Variants in GPC5 observed in about 807,000 individuals in gnomAD.
GPC5 encodes the protein glypican-5.
GPC5 carries 47 observed loss-of-function variants against 53.9 expected under a neutral mutation model. That is an observed-to-expected ratio of 0.87 (90% CI 0.69 to 1.11). GPC5 has a LOEUF of 1.11. GPC5 is among the 50% of genes most tolerant of loss of function. GPC5 has a pLI of 0.00. For missense variants in GPC5, 748 were observed against 713.1 expected, an observed-to-expected ratio of 1.05 and a Z score of -0.56; for synonymous variants, 286 against 263.3, an observed-to-expected ratio of 1.09 and a Z score of -0.84.
intron 7 of GPC5, among the ~76,000 whole-genome samples, chr13:92,734,424 G>A (rs1378257492): frequency 6.6e-6 from 1 of 151,828 alleles, no homozygotes; most frequent in Non-Finnish European, 1.5e-5. Context: ...GAAATTTTGT[G>A]TAATAACACT....
intron 7 of GPC5, among the ~76,000 whole-genome samples, chr13:92,848,303 TG>T: frequency 6.6e-6 from 1 of 152,222 alleles, no homozygotes; most frequent in Non-Finnish European, 1.5e-5. Context: ...GAATTTTCTA[TG>T]GTTTCTAGAG....
chr13:92,103,180 G>T (rs1178147340), intron 6 of GPC5, among the ~76,000 whole-genome samples: 7 of 151,940 alleles, frequency 4.6e-5, no homozygotes, highest in Admixed American at 4.6e-4. Context: ...TTTTTTTAAT[G>T]ATCAACCTGG....
chr13:92,286,353 A>C (rs949630156), intron 7 of GPC5, among the ~76,000 whole-genome samples: 5 of 152,178 alleles, frequency 3.3e-5, no homozygotes, highest in African/African-American at 1.2e-4. Flanking sequence ...CTAGAACTAG[A>C]AATACCATTT....
intron 7 of GPC5, among the ~76,000 whole-genome samples, chr13:92,356,672 C>A (rs2043525129): frequency 6.6e-6 from 1 of 152,088 alleles, no homozygotes; most frequent in South Asian, 2.1e-4. Flanking sequence ...ATGTCATTTT[C>A]AGAGAAGAGG....
chr13:91,865,273 G>A lies in GPC5; in HGVS notation c.1281-42664G>A, dbSNP rs568629902. On this transcript the variant is annotated intron_variant, in intron 5 of 7. Transcript: ENST00000377067. ...TTTGTGGGATTACTTTGGCAAACAT[G>A]GGAGATCCCCAAACAAATTTTGAAG... Among the ~76,000 whole-genome samples the A allele has an allele frequency of 2.6e-5, 4 of 152,104 alleles. No individual in the cohort carries two copies. The East Asian group carries it at 7.7e-4, about 29-fold the overall frequency.
intron 2 of GPC5, among the ~76,000 whole-genome samples, chr13:91,620,650 A>AT (rs1337662263): frequency 6.6e-6 from 1 of 152,132 alleles, no homozygotes; most frequent in Non-Finnish European, 1.5e-5. Context: ...CTTTATGGCC[A>AT]TGATGCCTCT....
At chr13:92,681,248 G>C (rs1309493677) in intron 7 of GPC5, among the ~76,000 whole-genome samples, 1 of 151,996 alleles carries the variant, frequency 6.6e-6, no homozygotes. Context: ...TATCATGTCT[G>C]GTATATCACA....
intron 2 of GPC5, among the ~76,000 whole-genome samples, chr13:91,627,863 C>G (rs1285409587): frequency 6.6e-6 from 1 of 152,026 alleles, no homozygotes; most frequent in East Asian, 1.9e-4. Flanking sequence ...TCTTCAATAT[C>G]AATGTATTAC....
At chr13:91,837,683 A>G (rs1327452240) in intron 5 of GPC5, among the ~76,000 whole-genome samples, 5 of 152,170 alleles carry the variant, frequency 3.3e-5, no homozygotes, top group African/African-American at 7.2e-5. Context: ...TAAATCTATT[A>G]CATAGTATTT....
At chr13:92,069,987 AAGG>A (rs1323904611) in intron 6 of GPC5, among the ~76,000 whole-genome samples, 5 of 152,174 alleles carry the variant, frequency 3.3e-5, no homozygotes, top group Non-Finnish European at 5.9e-5. Context: ...ATCATATTAA[AAGG>A]AGGACTGTAT....
At chr13:92,716,605 C>T (rs952316235) in intron 7 of GPC5, among the ~76,000 whole-genome samples, 1 of 152,028 alleles carries the variant, frequency 6.6e-6, no homozygotes. Flanking sequence ...TAGTATCTGG[C>T]ACAATGTATG....
At chr13:91,680,133 G>T (rs577593111) in intron 2 of GPC5, among the ~76,000 whole-genome samples, 6 of 152,230 alleles carry the variant, frequency 3.9e-5, no homozygotes, top group Non-Finnish European at 8.8e-5. Context: ...CCATCACCAT[G>T]ACCTTGACAG....
intron 7 of GPC5, among the ~76,000 whole-genome samples, chr13:92,332,538 A>T (rs1359876309): frequency 2.0e-5 from 3 of 152,196 alleles, no homozygotes; most frequent in African/African-American, 7.2e-5. Context: ...GAGTTATGGG[A>T]ACAAGTACTC....
chr13:91,743,983 C>T lies in GPC5; in HGVS notation c.1155-12312C>T, dbSNP rs1206393869. On this transcript the variant is annotated intron_variant, in intron 4 of 7. Transcript: ENST00000377067. Reference sequence around the variant, plus strand: ...TTTTGAAGTCAAGGAGTCTGAGGCTCTCTTTTTGATCTACTGGTTTCACCC... The same window carrying T: ...TTTTGAAGTCAAGGAGTCTGAGGCTTTCTTTTTGATCTACTGGTTTCACCC... Among the ~76,000 whole-genome samples, 56 of 152,056 alleles carry T rather than the reference C, an allele frequency of 3.7e-4. 1 individual carries two copies. Among genetic ancestry groups the T allele is most frequent in the Admixed American group, 3.7e-3 (56 of 15,242 alleles).
At chr13:92,193,891 T>C (rs550570976) in intron 7 of GPC5, among the ~76,000 whole-genome samples, 1 of 152,352 alleles carries the variant, frequency 6.6e-6, no homozygotes, top group South Asian at 2.1e-4. Flanking sequence ...AATTACGTAC[T>C]GCTATATTTT....
chr13:92,280,717 T>C (rs147809899), intron 7 of GPC5, among the ~76,000 whole-genome samples: 6 of 152,316 alleles, frequency 3.9e-5, no homozygotes, highest in African/African-American at 9.6e-5. Flanking sequence ...TTGGTCCCTA[T>C]TTTAATATGA....
At chr13:91,969,965 C>A (rs2040225571) in intron 6 of GPC5, among the ~76,000 whole-genome samples, 1 of 152,036 alleles carries the variant, frequency 6.6e-6, no homozygotes. Flanking sequence ...GCATGCACTC[C>A]CATGTTGTTT....
chr13:92,834,124 TC>T (rs1474829720), intron 7 of GPC5, among the ~76,000 whole-genome samples: 1 of 152,078 alleles, frequency 6.6e-6, no homozygotes, highest in Non-Finnish European at 1.5e-5. Context: ...TTAGCGAGAC[TC>T]CGTGATTGAT....
intron 2 of GPC5, among the ~76,000 whole-genome samples, chr13:91,566,973 A>C (rs1326694625): frequency 6.7e-6 from 1 of 149,994 alleles, no homozygotes; most frequent in Non-Finnish European, 1.5e-5. Flanking sequence ...ACTTGAAAGC[A>C]TTTAGCAGTG....
Sources: allele counts gnomAD v4.1 joint callset (sites outside exome capture counted in the v4.1 genomes callset), GRCh38; gene constraint gnomAD v4.1.1; transcripts MANE v1.5; gene names NCBI Gene and HGNC (gene_info 2026-07-23, HGNC 2026-07-21).